The following ZNF862 variants were observed in gnomAD, a reference collection of about 807,000 sequenced individuals.
ZNF862 encodes zinc finger protein 862.
A neutral mutation model predicts 91.1 loss-of-function variants in ZNF862; 64 were observed. That is an observed-to-expected ratio of 0.70 (90% CI 0.57 to 0.87). ZNF862 has a LOEUF of 0.87. Among genes scored for constraint, ZNF862 ranks in the 40% least tolerant of loss-of-function variants. The probability of loss-of-function intolerance (pLI) is 0.00; values close to 1 mark genes in which losing one functional copy is unlikely to be tolerated. For missense variants in ZNF862, 1,459 were observed against 1,528.0 expected (o/e 0.95, Z 0.75); for synonymous variants, 631 against 618.1 (o/e 1.02, Z -0.31).
Position 149,864,204 on chromosome 7 carries a change from G to A in ZNF862, c.3430G>A (p.Val1144Ile), listed in dbSNP as rs200892153. Residue 1144 changes from valine to isoleucine, a missense_variant, in exon 8 of 8, where the codon GTT (valine) becomes ATT (isoleucine). Coordinates refer to ENST00000223210, the MANE Select transcript of ZNF862 (RefSeq NM_001099220.3). Reference protein sequence around the residue: ...PILPSREAAEVLKDCIMEPPE... With the variant: ...PILPSREAAEILKDCIMEPPE... Reference sequence around the variant, plus strand: ...CCTGCCCTCCAGGGAAGCAGCGGAGGTTCTGAAGGACTGCATCATGGAGCC... The same window carrying A: ...CCTGCCCTCCAGGGAAGCAGCGGAGATTCTGAAGGACTGCATCATGGAGCC... 5.4e-5 allele frequency: 87 copies of A among 1,599,166 alleles called. No individual in the cohort carries two copies. The African/African-American group carries it at 9.2e-4, about 17-fold the overall frequency.
Position 149,859,431 on chromosome 7 carries a change from C to A in ZNF862, c.1127C>A (p.Ala376Asp). The A allele has an allele frequency of 6.3e-7, 1 of 1,578,516 alleles. No homozygotes were observed. Among genetic ancestry groups the A allele is most frequent in the Non-Finnish European group, 8.6e-7 (1 of 1,161,424 alleles). Residue 376 changes from alanine (A) to aspartate (D), a missense_variant, in exon 6 of 8, where the codon GCT becomes GAT. Transcript: ENST00000223210. ...TTCATCCTTACAACAGGACCTGCCG[C>A]TGCCAAGCCAGACTTGATCTCCAAA... ...YELLASLGPA[A>D]AKPDLISKLE...
At position 149,844,754 on chromosome 7, in the gene ZNF862, C is replaced by T. The variant is rs1801815492; in HGVS notation, c.136+18C>T. On this transcript the variant is annotated intron_variant, in intron 2 of 7. Transcript: ENST00000223210. ...ACCACTGGGTATGGGTGCCCATCCA[C>T]ATCCCTGCCACTGTCAATTTAGATC... 9 of 1,481,798 alleles carry T rather than the reference C, an allele frequency of 6.1e-6. No homozygotes were observed. The highest frequency in any genetic ancestry group is 1.2e-5 in the South Asian group (1 of 83,200). 91.8% of individuals were successfully genotyped at this position (1,481,798 alleles called of 1,614,324 possible).
At chr7:149,863,357 G>A (rs995712183) in intron 7 of ZNF862, among the ~76,000 whole-genome samples, 9 of 144,428 alleles carry the variant, frequency 6.2e-5, no homozygotes, top group East Asian at 1.9e-4. Context: ...CTCTCCTCGC[G>A]TCTCTAGCTG....
intron 4 of ZNF862, 107 bp downstream of exon 4, chr7:149,848,539 T>C: frequency 1.1e-6 from 1 of 913,730 alleles, no homozygotes; most frequent in Middle Eastern, 3.3e-4. Flanking sequence ...GATAACCCAC[T>C]GCTAACATCA....
Position 149,860,653 on chromosome 7 carries a change from A to T in ZNF862, c.1493A>T (p.Asp498Val). 3.1e-6 allele frequency: 5 copies of T among 1,614,048 alleles called. No individual in the cohort carries two copies. In the Middle Eastern group the frequency reaches 8.2e-4, roughly 266 times the overall value. The change falls in exon 7 of 8, where the codon GAT becomes GTT. Residue 498 changes from aspartate to valine, a missense_variant. Transcript: ENST00000223210. ...TGCATAGAAAGACCTAATCTCCATG[A>T]TAAATCATCTCGGTTAGTCAGAGGT... Reference protein sequence around the residue: ...SACIERPNLHDKSSRLVRGYT... With the variant: ...SACIERPNLHVKSSRLVRGYT...
chr7:149,861,101 C>G lies in ZNF862; in HGVS notation c.1941C>G (p.Phe647Leu), dbSNP rs1802468838. The G allele has an allele frequency of 1.9e-6, 3 of 1,612,954 alleles. No individual in the cohort carries two copies. The highest frequency in any genetic ancestry group is 2.5e-6 in the Non-Finnish European group (3 of 1,179,836). ...GCGTGGGGATTTACATCCGCTACTT[C>G]AAGCAGATGGAGGTGAAAGAGTCCT... ...QACVGIYIRY[F>L]KQMEVKESYI... is the part of the protein sequence containing the mutation. Residue 647 changes from phenylalanine to leucine, a missense_variant, in exon 7 of 8, where the codon TTC (phenylalanine) becomes TTG (leucine). By Grantham distance (22) the Phe-to-Leu change is conservative (BLOSUM62 0). Transcript: ENST00000223210. The surrounding 1 kb of genome is among the most constrained non-coding windows in gnomAD (Gnocchi z 6.7).
At chr7:149,844,895 C>A in intron 2 of ZNF862, 159 bp downstream of exon 2, 1 of 584,820 alleles carries the variant, frequency 1.7e-6, no homozygotes, top group Non-Finnish European at 3.0e-6. Flanking sequence ...ACCTTAATTG[C>A]ATGCAAATTC....
In ZNF862 at chr7:149,841,725, G is replaced by T. The variant is rs1031903259; in HGVS notation, c.25-2900G>T. 16 of 985,250 alleles carry T rather than the reference G, an allele frequency of 1.6e-5. No homozygotes were observed. In the African/African-American group the frequency reaches 2.6e-4, roughly 16 times the overall value. The allele number at this position is 985,250 out of a possible 1,614,324, so 61.0% of individuals were successfully genotyped here. A position where few individuals can be genotyped will look rare whatever the true frequency, so the allele number is the denominator to read the frequency against. The stretch of plus-strand genomic sequence containing the variant: ...GTACTTGTTGCTGTATGTATTTGTT[G>T]CCTCAACGTTTCTGTTTCTTGGCCC... On this transcript the variant is annotated intron_variant, in intron 1 of 7. Coordinates refer to ENST00000223210, the MANE Select transcript of ZNF862 (RefSeq NM_001099220.3).
intron 7 of ZNF862, among the ~76,000 whole-genome samples, chr7:149,863,881 A>T (rs1271779372): frequency 1.3e-5 from 2 of 152,218 alleles, no homozygotes; most frequent in Non-Finnish European, 2.9e-5. Context: ...ATCTCCAGAC[A>T]TTGGCAAATG....
intron 6 of ZNF862, chr7:149,859,764 C>T: frequency 2.0e-6 from 1 of 491,670 alleles, no homozygotes; most frequent in Non-Finnish European, 3.6e-6. Flanking sequence ...CTGATGGAGG[C>T]TGTGGCAGAG....
chr7:149,864,466 C>A lies in ZNF862; in HGVS notation c.*182C>A. 1 of 607,020 alleles carries A rather than the reference C, an allele frequency of 1.6e-6. No homozygotes were observed. Among genetic ancestry groups the A allele is most frequent in the South Asian group, 2.1e-5 (1 of 46,674 alleles). The allele number at this position is 607,020 out of a possible 1,614,324, so 37.6% of individuals were successfully genotyped here. A position where few individuals can be genotyped will look rare whatever the true frequency, so the allele number is the denominator to read the frequency against. ...GAGGTGCATGACCTGTTTCCTGAGG[C>A]CCCACTCAGCACAGCCATGCCTCAC... On this transcript the variant is annotated 3_prime_UTR_variant, in exon 8 of 8. Transcript: ENST00000223210.
intron 5 of ZNF862, among the ~76,000 whole-genome samples, chr7:149,858,188 G>C (rs1441286823): frequency 1.3e-5 from 2 of 152,142 alleles, no homozygotes; most frequent in Non-Finnish European, 2.9e-5. Flanking sequence ...GTACCAACCA[G>C]CTTGCTTCTC....
rs1188098771 is a variant in ZNF862, at chr7:149,855,776, A to G, written c.1118-3646A>G. ...AACGCCAGGCCTCTTCTCATTCCCC[A>G]TGTGGCCCACATCTGAACCATAGAA... is the stretch of plus-strand genomic sequence containing the variant. On this transcript the variant is annotated intron_variant, in intron 5 of 7. Transcript: ENST00000223210. The surrounding 1 kb of genome is among the most constrained non-coding windows in gnomAD (Gnocchi z 4.1). Among the ~76,000 whole-genome samples, 2 of 152,064 alleles carry G rather than the reference A, an allele frequency of 1.3e-5. No homozygotes were observed. Among genetic ancestry groups the G allele is most frequent in the Non-Finnish European group, 2.9e-5 (2 of 68,004 alleles).
In ZNF862 at chr7:149,866,769, A is replaced by C. The variant is rs888554575; in HGVS notation, c.*2485A>C. 6.6e-6 allele frequency: 1 copy of C among 152,272 alleles called. No homozygotes were observed. The highest frequency in any genetic ancestry group is 2.4e-5 in the African/African-American group (1 of 41,448). 9.4% of individuals were successfully genotyped at this position (152,272 alleles called of 1,614,324 possible). ...GTCAGCCAATGGCCAAGAAGGAAGA[A>C]GATGACTGCCATCTTATTCCTGAAC... On this transcript the variant is annotated 3_prime_UTR_variant, in exon 8 of 8. Coordinates refer to ENST00000223210, the MANE Select transcript of ZNF862 (RefSeq NM_001099220.3).
chr7:149,850,201 T>A lies in ZNF862; in HGVS notation c.980T>A (p.Val327Glu). Residue 327 changes from valine to glutamate, a missense_variant, in exon 5 of 8, where the codon GTG becomes GAG. Val to Glu is a moderately radical substitution (Grantham distance 121). Coordinates refer to ENST00000223210, the MANE Select transcript of ZNF862 (RefSeq NM_001099220.3). This position sits in a 1 kb window ranked among gnomAD's most constrained non-coding sequence, Gnocchi z 4.2. Reference protein sequence around the residue: ...AEGLSEEVPVVFEELPVVFED... With the variant: ...AEGLSEEVPVEFEELPVVFED... ...GGGCTGTCGGAGGAGGTTCCTGTGG[T>A]GTTTGAGGAGCTGCCGGTGGTGTTC... 6.3e-7 allele frequency: 1 copy of A among 1,595,268 alleles called. No individual in the cohort carries two copies. Among genetic ancestry groups the A allele is most frequent in the Non-Finnish European group, 8.5e-7 (1 of 1,170,944 alleles).
chr7:149,847,423 C>T (rs558601162), intron 3 of ZNF862, among the ~76,000 whole-genome samples: 4 of 152,206 alleles, frequency 2.6e-5, no homozygotes, highest in South Asian at 4.2e-4. Flanking sequence ...GAAGATTGTA[C>T]GTTTCATAGA....
rs1361603666 is a variant in ZNF862 at position 149,864,720 on chromosome 7, G to A, written c.*436G>A. ...AGAGGGGGAGGTTGCCCCTGCTCTA[G>A]GGACAGCTGGCCTGGCTGCAAGAGC... On this transcript the variant is annotated 3_prime_UTR_variant, in exon 8 of 8. Transcript: ENST00000223210. 1 of 157,992 alleles carries A rather than the reference G, an allele frequency of 6.3e-6. No homozygotes were observed. Among genetic ancestry groups the A allele is most frequent in the Non-Finnish European group, 1.4e-5 (1 of 71,650 alleles). The allele number at this position is 157,992 out of a possible 1,614,324, so 9.8% of individuals were successfully genotyped here.
Position 149,850,673 on chromosome 7 carries a change from A to G in ZNF862, c.1117+335A>G, listed in dbSNP as rs1457971841. 2 of 207,870 alleles carry G rather than the reference A, an allele frequency of 9.6e-6. No individual in the cohort carries two copies. Among genetic ancestry groups the G allele is most frequent in the African/African-American group, 4.6e-5 (2 of 43,114 alleles). The allele number at this position is 207,870 out of a possible 1,614,324, so 12.9% of individuals were successfully genotyped here. A position where few individuals can be genotyped will look rare whatever the true frequency, so the allele number is the denominator to read the frequency against. ...CATTTTAATAAGAAACTATAAAATA[A>G]TACAGTCTCCCATAAAAGAGCTTCC... is the stretch of plus-strand genomic sequence containing the variant. On this transcript the variant is annotated intron_variant, in intron 5 of 7. Coordinates refer to ENST00000223210, the MANE Select transcript of ZNF862 (RefSeq NM_001099220.3). This position sits in a 1 kb window ranked among gnomAD's most constrained non-coding sequence, Gnocchi z 4.2.
chr7:149,854,733 G>A (rs1479056699), intron 5 of ZNF862, among the ~76,000 whole-genome samples: 1 of 152,218 alleles, frequency 6.6e-6, no homozygotes, highest in African/African-American at 2.4e-5. Flanking sequence ...TGCCAGCGGG[G>A]AGCACTTTCA....
Sources: gnomAD v4.1 joint callset for allele counts (sites outside exome capture counted in the v4.1 genomes callset) on GRCh38, gnomAD v4.1.1 for gene constraint, Gnocchi (gnomAD v3.1) non-coding constraint, MANE v1.5 for transcripts, NCBI Gene and HGNC (gene_info 2026-07-23, HGNC 2026-07-21) for gene names.